CFAP95: variants seen among roughly 807,000 people sequenced by gnomAD.
The protein encoded by CFAP95 is cilia- and flagella-associated protein 95.
chr9:69,867,367 A>G, the CFAP95 span, among the ~76,000 whole-genome samples: 1 of 152,306 alleles, frequency 6.6e-6, no homozygotes, highest in East Asian at 1.9e-4. Context: ...TATTGAGTCT[A>G]ACTTTATTAC....
the CFAP95 span, among the ~76,000 whole-genome samples, chr9:69,901,765 C>T: frequency 6.6e-6 from 1 of 152,184 alleles, no homozygotes; most frequent in Non-Finnish European, 1.5e-5. Context: ...AATCGCCACA[C>T]TGACTTCCAC....
the CFAP95 span, among the ~76,000 whole-genome samples, chr9:69,902,967 G>A: frequency 2.0e-5 from 3 of 152,018 alleles, no homozygotes; most frequent in African/African-American, 7.2e-5. Flanking sequence ...TTCCAATATT[G>A]TAGATTATTC....
At chr9:69,876,261 A>G in the CFAP95 span, among the ~76,000 whole-genome samples, 10 of 152,364 alleles carry the variant, frequency 6.6e-5, no homozygotes, top group South Asian at 1.2e-3. Context: ...GGCTGGGCAC[A>G]GTGGCTCAGG....
the CFAP95 span, among the ~76,000 whole-genome samples, chr9:69,882,431 C>T: frequency 6.6e-6 from 1 of 152,178 alleles, no homozygotes; most frequent in Non-Finnish European, 1.5e-5. Context: ...ATTTGGATGC[C>T]CTTTATTTCT....
At chr9:69,856,847 T>C in the CFAP95 span, among the ~76,000 whole-genome samples, 1 of 152,080 alleles carries the variant, frequency 6.6e-6, no homozygotes, top group African/African-American at 2.4e-5. Flanking sequence ...GGAGTTTCTT[T>C]TCGTCAATTG....
chr9:69,850,233 G>T, the CFAP95 span, among the ~76,000 whole-genome samples: 17 of 152,296 alleles, frequency 1.1e-4, no homozygotes, highest in South Asian at 3.5e-3. Context: ...AATGAACAAA[G>T]AAATACATGA....
At chr9:69,899,465 T>C in the CFAP95 span, among the ~76,000 whole-genome samples, 31 of 152,226 alleles carry the variant, frequency 2.0e-4, no homozygotes, top group Non-Finnish European at 4.1e-4. Context: ...CTATAGAAAG[T>C]GTTTAATCCC....
chr9:69,846,428 GA>G, the CFAP95 span, among the ~76,000 whole-genome samples: 3 of 152,172 alleles, frequency 2.0e-5, no homozygotes, highest in Admixed American at 1.3e-4. Context: ...GTATTCAATA[GA>G]AAAGAAAATA....
At chr9:69,843,506 CCTCCTCCTCCTCCTCCTCCTCCT>C in the CFAP95 span, among the ~76,000 whole-genome samples, 12 of 1,954 alleles carry the variant, frequency 6.1e-3, 1 homozygote, top group South Asian at 0.069. Flanking sequence ...CTCCTCCCCC[CCTCCTCCTCCTCCTCCTCCTCCT>C]CCTCCTCCTC....
chr9:69,865,366 G>A, the CFAP95 span, among the ~76,000 whole-genome samples: 6 of 152,208 alleles, frequency 3.9e-5, no homozygotes, highest in African/African-American at 1.4e-4. Context: ...AGAGGAAAGT[G>A]GGGTGATGAA....
chr9:69,887,143 T>A, the CFAP95 span, among the ~76,000 whole-genome samples: 2 of 152,238 alleles, frequency 1.3e-5, no homozygotes, highest in Admixed American at 6.5e-5. Flanking sequence ...TTCTTCCTCA[T>A]CTTGTTTACT....
At chr9:69,887,408 T>G in the CFAP95 span, among the ~76,000 whole-genome samples, 16 of 152,358 alleles carry the variant, frequency 1.1e-4, no homozygotes, top group East Asian at 3.1e-3. Context: ...AAATAAGATA[T>G]TTAACTATTG....
At chr9:69,868,426 G>T in the CFAP95 span, among the ~76,000 whole-genome samples, 1 of 152,160 alleles carries the variant, frequency 6.6e-6, no homozygotes, top group African/African-American at 2.4e-5. Context: ...GGGAGGCCAA[G>T]GGCAGTGAAT....
the CFAP95 span, among the ~76,000 whole-genome samples, chr9:69,843,855 G>A: frequency 2.3e-3 from 352 of 151,618 alleles, 1 homozygote; most frequent in African/African-American, 8.1e-3. Context: ...TTCCCAGGCT[G>A]GTCTTGAAGC....
chr9:69,895,365 C>CTGTGTGTGTGTG, the CFAP95 span, among the ~76,000 whole-genome samples: 157 of 108,130 alleles, frequency 1.5e-3, no homozygotes, highest in East Asian at 0.011. Flanking sequence ...CTCTCTCTCT[C>CTGTGTGTGTGTG]TCTCTGTGTG....
At chr9:69,857,782 C>T in the CFAP95 span, 1 of 728,244 alleles carries the variant, frequency 1.4e-6, no homozygotes, top group Non-Finnish European at 2.2e-6. Flanking sequence ...CCCGTCTCGG[C>T]CTCCCAAAGT....
the CFAP95 span, among the ~76,000 whole-genome samples, chr9:69,894,269 C>T: frequency 9.2e-5 from 14 of 152,170 alleles, no homozygotes; most frequent in Non-Finnish European, 1.6e-4. Context: ...ATTTCCTAGG[C>T]CCCAGCTTCA....
the CFAP95 span, chr9:69,856,589 A>C: frequency 6.2e-7 from 1 of 1,611,306 alleles, no homozygotes; most frequent in African/African-American, 1.3e-5. Flanking sequence ...AAGTTGTCAC[A>C]AATGTGTTTA....
chr9:69,901,287 G>T, the CFAP95 span, among the ~76,000 whole-genome samples: 1 of 152,006 alleles, frequency 6.6e-6, no homozygotes, highest in Admixed American at 6.6e-5. Flanking sequence ...ACAGGTGCCC[G>T]CCACTACGCC....
Sources: allele counts gnomAD v4.1 joint callset (sites outside exome capture counted in the v4.1 genomes callset), GRCh38; gene constraint gnomAD v4.1.1; transcripts MANE v1.5; gene names NCBI Gene and HGNC (gene_info 2026-07-23, HGNC 2026-07-21).